ZFPM2: variants seen among roughly 807,000 people sequenced by gnomAD.
The protein encoded by ZFPM2 is zinc finger protein ZFPM2.
Under a neutral mutation model 98.6 loss-of-function variants are expected in ZFPM2, and 20 were observed. That is an observed-to-expected ratio of 0.20 (90% CI 0.14 to 0.29). ZFPM2 has a LOEUF of 0.29. Among genes scored for constraint, ZFPM2 ranks in the 10% least tolerant of loss-of-function variants. ZFPM2 has a pLI of 1.00. For missense variants in ZFPM2, 1,310 were observed against 1,388.6 expected (o/e 0.94, Z 0.90); for synonymous variants, 518 against 502.7 (o/e 1.03, Z -0.41).
intron 3 of ZFPM2, among the ~76,000 whole-genome samples, chr8:105,464,322 T>C (rs528553335): frequency 6.6e-6 from 1 of 152,202 alleles, no homozygotes; most frequent in East Asian, 1.9e-4. Flanking sequence ...AAATCAAATA[T>C]ATGCTTATCA....
chr8:105,722,867 A>G (rs1358172435), intron 5 of ZFPM2, among the ~76,000 whole-genome samples: 2 of 151,898 alleles, frequency 1.3e-5, no homozygotes, highest in Non-Finnish European at 2.9e-5. Context: ...TTCTCTAAAA[A>G]TGTTTCTGTA....
chr8:105,746,795 G>A (rs779854972), intron 5 of ZFPM2, among the ~76,000 whole-genome samples: 7 of 151,426 alleles, frequency 4.6e-5, no homozygotes, highest in African/African-American at 1.5e-4. Context: ...AGGCCGATGC[G>A]GTTTTTAAAT....
At chr8:105,489,419 C>G (rs555461801) in intron 3 of ZFPM2, among the ~76,000 whole-genome samples, 2 of 137,484 alleles carry the variant, frequency 1.5e-5, no homozygotes, top group African/African-American at 2.8e-5. Context: ...ATAGATATAT[C>G]TTTTATATAT....
chr8:105,471,838 C>T (rs1812909767), intron 3 of ZFPM2, among the ~76,000 whole-genome samples: 1 of 152,050 alleles, frequency 6.6e-6, no homozygotes, highest in Non-Finnish European at 1.5e-5. Flanking sequence ...TATCAGAACT[C>T]TTATCAGATA....
chr8:105,390,319 T>C (rs1332114772), intron 1 of ZFPM2, among the ~76,000 whole-genome samples: 9 of 152,222 alleles, frequency 5.9e-5, no homozygotes, highest in Non-Finnish European at 1.3e-4. Flanking sequence ...GGTATACTTA[T>C]GACAGTACTT....
At chr8:105,694,236 G>T (rs565179905) in intron 5 of ZFPM2, among the ~76,000 whole-genome samples, 5,027 of 151,612 alleles carry the variant, frequency 0.033, 274 homozygotes, top group African/African-American at 0.11. Flanking sequence ...TCTGCCCCCC[G>T]CGGCCTCCCA....
chr8:105,420,092 T>A (rs1811761687), intron 2 of ZFPM2, among the ~76,000 whole-genome samples: 1 of 152,210 alleles, frequency 6.6e-6, no homozygotes, highest in South Asian at 2.1e-4. Flanking sequence ...TTTCTTGGTT[T>A]AGAACAGCTG....
At chr8:105,513,992 G>A (rs371797219) in intron 3 of ZFPM2, among the ~76,000 whole-genome samples, 265 of 141,390 alleles carry the variant, frequency 1.9e-3, no homozygotes, top group African/African-American at 6.8e-3. Flanking sequence ...AAATTAGTAG[G>A]TCCGGAGTGT....
intron 5 of ZFPM2, among the ~76,000 whole-genome samples, chr8:105,649,777 G>T (rs9773990): frequency 0.46 from 70,367 of 151,846 alleles, 16,498 homozygotes; most frequent in African/African-American, 0.52. Flanking sequence ...GCTGGATTCA[G>T]TTTGCCAGTA....
chr8:105,409,039 CAT>C (rs1409815244), intron 1 of ZFPM2, among the ~76,000 whole-genome samples: 8 of 151,936 alleles, frequency 5.3e-5, no homozygotes, highest in Admixed American at 1.3e-4. Context: ...AGCAGTGGAA[CAT>C]GTGTGTGATC....
intron 1 of ZFPM2, among the ~76,000 whole-genome samples, chr8:105,379,301 C>T (rs1235778006): frequency 6.6e-6 from 1 of 151,966 alleles, no homozygotes; most frequent in African/African-American, 2.4e-5. Flanking sequence ...AAATCAAATT[C>T]CCACTGATAG....
At chr8:105,701,503 AG>A (rs1455419781) in intron 5 of ZFPM2, among the ~76,000 whole-genome samples, 1 of 152,232 alleles carries the variant, frequency 6.6e-6, no homozygotes, top group Non-Finnish European at 1.5e-5. Context: ...TGTATAATCA[AG>A]CAAAAATGAA....
At chr8:105,412,554 A>T (rs182812541) in intron 1 of ZFPM2, among the ~76,000 whole-genome samples, 344 of 151,960 alleles carry the variant, frequency 2.3e-3, no homozygotes, top group African/African-American at 7.7e-3. Flanking sequence ...ATGAAAAAAA[A>T]TCAACATTCT....
intron 5 of ZFPM2, among the ~76,000 whole-genome samples, chr8:105,648,216 G>T (rs1278059724): frequency 1.3e-5 from 2 of 152,122 alleles, no homozygotes; most frequent in Non-Finnish European, 2.9e-5. Context: ...CCCACTTTTT[G>T]ATGGGGTTGT....
intron 3 of ZFPM2, among the ~76,000 whole-genome samples, chr8:105,478,904 C>T (rs1430513510): frequency 1.3e-5 from 2 of 152,100 alleles, no homozygotes; most frequent in Non-Finnish European, 2.9e-5. Context: ...AAAGTCTATC[C>T]TCAGTTTCGA....
chr8:105,798,670 C>G, intron 6 of ZFPM2, 54 bp from the exon 7 acceptor site: 1 of 1,494,718 alleles, frequency 6.7e-7, no homozygotes, highest in Non-Finnish European at 9.2e-7. Flanking sequence ...GCTTTACCCA[C>G]AGTTGGTTTC....
At chr8:105,478,519 C>A (rs1414944732) in intron 3 of ZFPM2, among the ~76,000 whole-genome samples, 2 of 152,140 alleles carry the variant, frequency 1.3e-5, no homozygotes, top group African/African-American at 4.8e-5. Context: ...CCTAATGGTC[C>A]TGATTCCTTC....
chr8:105,390,190 C>T (rs1427549078), intron 1 of ZFPM2, among the ~76,000 whole-genome samples: 4 of 152,144 alleles, frequency 2.6e-5, no homozygotes, highest in Non-Finnish European at 5.9e-5. Flanking sequence ...CAATCTCAAA[C>T]TCAGAGGTTC....
At chr8:105,663,328 A>T (rs1235247782) in intron 5 of ZFPM2, among the ~76,000 whole-genome samples, 1 of 152,228 alleles carries the variant, frequency 6.6e-6, no homozygotes, top group Non-Finnish European at 1.5e-5. Flanking sequence ...GATAGTAAGT[A>T]CACAAAAATA....
Sources: gnomAD v4.1 joint callset for allele counts (sites outside exome capture counted in the v4.1 genomes callset) on GRCh38, gnomAD v4.1.1 for gene constraint, MANE v1.5 for transcripts, NCBI Gene and HGNC (gene_info 2026-07-23, HGNC 2026-07-21) for gene names.